PCDH15: variants seen among roughly 807,000 people sequenced by gnomAD.
PCDH15 encodes the protein protocadherin-15.
Under a neutral mutation model 178.5 loss-of-function variants are expected in PCDH15, and 129 were observed. That is an observed-to-expected ratio of 0.72 (90% CI 0.63 to 0.84). The LOEUF (loss-of-function observed/expected upper bound fraction) is 0.84, where lower values mean the gene tolerates loss of function less well. Among genes scored for constraint, PCDH15 ranks in the 40% least tolerant of loss-of-function variants. The pLI, the probability that PCDH15 is intolerant of heterozygous loss-of-function variation, is 0.00. For synonymous variants in PCDH15, 800 were observed against 732.0 expected (o/e 1.09, Z -1.50); for missense variants, 2,230 against 2,099.9 (o/e 1.06, Z -1.21).
At chr10:55,127,265 T>C (rs1282707251) in intron 2 of PCDH15, among the ~76,000 whole-genome samples, 1 of 152,120 alleles carries the variant, frequency 6.6e-6, no homozygotes, top group Non-Finnish European at 1.5e-5. Flanking sequence ...ATGGCTCAGA[T>C]TAACCACTAC....
chr10:53,806,860 TCTC>T lies in PCDH15; in HGVS notation c.4939_4941del (p.Glu1647del). On this transcript the variant is annotated inframe_deletion, in exon 38 of 38. Transcript: ENST00000644397. Reference sequence around the variant, plus strand: ...TTTGATAATGTGTTCAGAGGTACATTCTCCTCATGTGTCACTGCCAACTTGTCT... The same window carrying T: ...TTTGATAATGTGTTCAGAGGTACATTCTCATGTGTCACTGCCAACTTGTCT... The T allele has an allele frequency of 3.1e-6, 5 of 1,613,848 alleles. No homozygotes were observed. The highest frequency in any genetic ancestry group is 1.7e-5 in the Admixed American group (1 of 60,004).
At chr10:55,457,388 T>G (rs780999912) in intron 2 of PCDH15, among the ~76,000 whole-genome samples, 3 of 151,512 alleles carry the variant, frequency 2.0e-5, no homozygotes, top group Non-Finnish European at 2.9e-5. Flanking sequence ...ATTTTTTGTG[T>G]ACCAGATCAT....
intron 1 of PCDH15, among the ~76,000 whole-genome samples, chr10:54,722,928 A>C (rs767537360): frequency 6.6e-5 from 10 of 151,838 alleles, no homozygotes; most frequent in Non-Finnish European, 1.3e-4. Context: ...TCCTATGCTC[A>C]TGGATTGGAA....
chr10:55,487,068 T>C (rs1840312047), intron 2 of PCDH15, among the ~76,000 whole-genome samples: 1 of 151,660 alleles, frequency 6.6e-6, no homozygotes. Context: ...TTGGGTACAG[T>C]CATTTACAGT....
chr10:53,807,497 A>C (rs2132356769), intron 37 of PCDH15, among the ~76,000 whole-genome samples: 1 of 152,294 alleles, frequency 6.6e-6, no homozygotes, highest in Middle Eastern at 3.4e-3. Flanking sequence ...TTAAATTGAA[A>C]GGAATGAACA....
intron 2 of PCDH15, among the ~76,000 whole-genome samples, chr10:55,049,464 G>T (rs1374660649): frequency 6.6e-6 from 1 of 151,412 alleles, no homozygotes; most frequent in East Asian, 1.9e-4. Flanking sequence ...TGATTATGGG[G>T]GCTGCATTCA....
intron 2 of PCDH15, among the ~76,000 whole-genome samples, chr10:55,149,628 T>C (rs1838642123): frequency 6.6e-6 from 1 of 152,096 alleles, no homozygotes; most frequent in East Asian, 1.9e-4. Context: ...AAGGTTCCCA[T>C]AGAAGTTTAA....
At chr10:54,641,582 C>A (rs1210615212) in intron 2 of PCDH15, among the ~76,000 whole-genome samples, 1 of 148,678 alleles carries the variant, frequency 6.7e-6, no homozygotes, top group Non-Finnish European at 1.5e-5. Flanking sequence ...TATGCAAACA[C>A]CACACACACA....
intron 1 of PCDH15, among the ~76,000 whole-genome samples, chr10:54,756,720 A>AAGAGAGAGAGAG (rs61202887): frequency 2.0e-5 from 3 of 150,740 alleles, no homozygotes. Flanking sequence ...ATGTATGTGA[A>AAGAGAGAGAGAG]AGAGAGAGAG....
At chr10:53,818,443 T>C (rs919250203) in intron 33 of PCDH15, 3 of 152,776 alleles carry the variant, frequency 2.0e-5, no homozygotes, top group African/African-American at 4.8e-5. Context: ...ATGAAAATTA[T>C]GTCTATGATT....
At chr10:54,553,860 C>A (rs1417801461) in intron 2 of PCDH15, among the ~76,000 whole-genome samples, 1 of 152,064 alleles carries the variant, frequency 6.6e-6, no homozygotes. Flanking sequence ...GCAAAAGCAA[C>A]ACTTTCTACT....
chr10:54,026,031 T>G (rs1251872696), intron 18 of PCDH15, among the ~76,000 whole-genome samples: 2 of 152,120 alleles, frequency 1.3e-5, no homozygotes, highest in Non-Finnish European at 2.9e-5. Context: ...GTGTGTATAC[T>G]GCCATATATA....
chr10:55,407,494 C>A (rs1399184375), intron 2 of PCDH15, among the ~76,000 whole-genome samples: 4 of 152,134 alleles, frequency 2.6e-5, no homozygotes, highest in South Asian at 4.1e-4. Context: ...CGTCTAACTT[C>A]TTTCATCTAT....
intron 4 of PCDH15, among the ~76,000 whole-genome samples, chr10:54,373,735 C>A (rs1428100863): frequency 1.3e-5 from 2 of 151,786 alleles, no homozygotes; most frequent in Non-Finnish European, 2.9e-5. Context: ...TAAAGTCAGT[C>A]AAAAATACTA....
rs142287657 is a variant in PCDH15 at position 54,199,570 on chromosome 10, C to CAACAAT, written c.1099-3682_1099-3681insATTGTT. The stretch of plus-strand genomic sequence containing the variant: ...TGTTGAATTTAAACAACAACAACAA[C>CAACAAT]AATAATAATAATAATAATAATAATA... On this transcript the variant is annotated intron_variant, in intron 10 of 37. Coordinates refer to ENST00000644397, the MANE Select transcript of PCDH15 (RefSeq NM_001384140.1). Among the ~76,000 whole-genome samples, 529 of 142,522 alleles carry CAACAAT rather than the reference C, an allele frequency of 3.7e-3. 4 individuals carry two copies. Among genetic ancestry groups the CAACAAT allele is most frequent in the East Asian group, 5.3e-3 (26 of 4,952 alleles). 93.5% of individuals were successfully genotyped at this position (142,522 alleles called of 152,430 possible). A position where few individuals can be genotyped will look rare whatever the true frequency, so the allele number is the denominator to read the frequency against.
intron 1 of PCDH15, among the ~76,000 whole-genome samples, chr10:55,270,569 T>C (rs777205487): frequency 2.6e-5 from 4 of 151,338 alleles, no homozygotes; most frequent in Non-Finnish European, 5.9e-5. Flanking sequence ...ATCAGAGAAA[T>C]GTAAATCAAA....
intron 25 of PCDH15, among the ~76,000 whole-genome samples, chr10:53,919,005 A>C (rs1186964163): frequency 6.6e-6 from 1 of 152,144 alleles, no homozygotes; most frequent in Non-Finnish European, 1.5e-5. Flanking sequence ...TCCTTTCATC[A>C]GTCGAATCTA....
chr10:54,113,863 G>A (rs1442684562), intron 15 of PCDH15, among the ~76,000 whole-genome samples: 1 of 152,014 alleles, frequency 6.6e-6, no homozygotes, highest in African/African-American at 2.4e-5. Context: ...CCTCCACATG[G>A]CTATGGAGGC....
intron 2 of PCDH15, among the ~76,000 whole-genome samples, chr10:55,411,556 T>A (rs1838332911): frequency 1.3e-5 from 2 of 152,104 alleles, no homozygotes; most frequent in Admixed American, 6.6e-5. Context: ...TTTTTCCCAG[T>A]GGCTATGAAA....
Sources: gnomAD v4.1 joint callset for allele counts (sites outside exome capture counted in the v4.1 genomes callset) on GRCh38, gnomAD v4.1.1 for gene constraint, MANE v1.5 for transcripts, NCBI Gene and HGNC (gene_info 2026-07-23, HGNC 2026-07-21) for gene names.